Variants in DHRSX observed in about 807,000 individuals in gnomAD.
The protein encoded by DHRSX is dehydrogenase/reductase X-linked.
Under a neutral mutation model 34.0 loss-of-function variants are expected in DHRSX, and 31 were observed. The observed-to-expected ratio is 0.91, with a 90% CI of 0.69 to 1.23. The LOEUF (loss-of-function observed/expected upper bound fraction) is 1.23. Ranked by LOEUF, DHRSX falls within the 50% of genes most tolerant of loss-of-function variation. The pLI, the probability that DHRSX is intolerant of heterozygous loss-of-function variation, is 0.00. For missense variants in DHRSX, 414 were observed against 428.1 expected, an observed-to-expected ratio of 0.97 and a Z score of 0.29; for synonymous variants, 201 against 183.8, an observed-to-expected ratio of 1.09 and a Z score of -0.76.
intron 6 of DHRSX, among the ~76,000 whole-genome samples, chrX:2,227,317 A>T (rs1185908508): frequency 6.6e-6 from 1 of 151,926 alleles, no homozygotes; most frequent in Non-Finnish European, 1.5e-5. Flanking sequence ...GAAACAAAAA[A>T]AATCAATGGA....
intron 1 of DHRSX, among the ~76,000 whole-genome samples, chrX:2,482,129 C>CTTCT (rs2044782726): frequency 7.7e-6 from 1 of 129,840 alleles, no homozygotes; most frequent in African/African-American, 3.0e-5. Flanking sequence ...CCACGTCTGG[C>CTTCT]TTTTTTTTTT....
intron 1 of DHRSX, among the ~76,000 whole-genome samples, chrX:2,462,376 A>G (rs888540144): frequency 3.9e-5 from 6 of 152,144 alleles, no homozygotes; most frequent in Non-Finnish European, 5.9e-5. Context: ...CAAAAGAGCA[A>G]TAATATTTCT....
chrX:2,458,231 C>G (rs1366885913), intron 1 of DHRSX, among the ~76,000 whole-genome samples: 1 of 152,024 alleles, frequency 6.6e-6, no homozygotes, highest in East Asian at 1.9e-4. Context: ...CCAAGGGACC[C>G]CCACCTTGTA....
At chrX:2,241,779 AT>A (rs2124424814) in intron 6 of DHRSX, among the ~76,000 whole-genome samples, 1 of 152,142 alleles carries the variant, frequency 6.6e-6, no homozygotes, top group Admixed American at 6.6e-5. Context: ...GTGGTGTCAC[AT>A]GCCTGTAATC....
intron 1 of DHRSX, among the ~76,000 whole-genome samples, chrX:2,485,348 T>C (rs180987586): frequency 2.0e-5 from 3 of 151,766 alleles, no homozygotes; most frequent in East Asian, 3.9e-4. Context: ...GAAAGAGAAA[T>C]TTCGGCATTT....
At chrX:2,480,234 A>G (rs1227922184) in intron 1 of DHRSX, among the ~76,000 whole-genome samples, 1 of 151,714 alleles carries the variant, frequency 6.6e-6, no homozygotes, top group African/African-American at 2.4e-5. Flanking sequence ...GGACTGGAAG[A>G]TACAATGTGA....
chrX:2,330,072 GC>G (rs1382498714), intron 3 of DHRSX, among the ~76,000 whole-genome samples: 45 of 2,234 alleles, frequency 0.02, 2 homozygotes, highest in Non-Finnish European at 0.047. Flanking sequence ...CAGAGAGACG[GC>G]GGGGGGGGGG....
rs1049355727 is a variant in DHRSX, at chrX:2,383,053, T to TCAC, written c.286+25689_286+25691dup. On this transcript the variant is annotated intron_variant, in intron 3 of 6. Transcript: ENST00000334651. ...ACCACCACTATCACCATCATCATCA[T>TCAC]CACCACCATCACCATCATCAGCAGC... 2.7e-5 allele frequency among the ~76,000 whole-genome samples: 4 copies of TCAC among 150,326 alleles called. No homozygotes were observed. In the East Asian group the frequency reaches 8.0e-4, roughly 30 times the overall value.
At chrX:2,310,953 C>T (rs1225257884) in intron 3 of DHRSX, among the ~76,000 whole-genome samples, 6 of 151,352 alleles carry the variant, frequency 4.0e-5, no homozygotes, top group African/African-American at 1.2e-4. Flanking sequence ...CCCAGCTACT[C>T]GGGAGGCTGA....
chrX:2,386,706 A>C lies in DHRSX; in HGVS notation c.286+22039T>G, dbSNP rs779636523. Among the ~76,000 whole-genome samples the C allele has an allele frequency of 3.3e-5, 5 of 152,318 alleles. No individual in the cohort carries two copies. The South Asian group carries it at 1.0e-3, about 32-fold the overall frequency. On this transcript the variant is annotated intron_variant, in intron 3 of 6. Coordinates refer to ENST00000334651, the MANE Select transcript of DHRSX (RefSeq NM_145177.3). ...ATCAAATATGTTAGTTGAGTTAAGA[A>C]TAAATTACTTTTTTTGCATAAGTTT...
chrX:2,335,242 A>G (rs2042541295), intron 3 of DHRSX, among the ~76,000 whole-genome samples: 1 of 151,628 alleles, frequency 6.6e-6, no homozygotes, highest in East Asian at 1.9e-4. Context: ...CCCATGACAC[A>G]GCCTCAGGTG....
At chrX:2,401,487 A>C (rs1477272188) in intron 3 of DHRSX, among the ~76,000 whole-genome samples, 1 of 152,184 alleles carries the variant, frequency 6.6e-6, no homozygotes, top group Non-Finnish European at 1.5e-5. Flanking sequence ...GACACCGTGC[A>C]CCTTCCAAAG....
At chrX:2,343,222 GCTTAGT>G (rs1414945412) in intron 3 of DHRSX, among the ~76,000 whole-genome samples, 1 of 152,114 alleles carries the variant, frequency 6.6e-6, no homozygotes, top group Non-Finnish European at 1.5e-5. Flanking sequence ...CCTTAAATGT[GCTTAGT>G]CTATAAGAGA....
intron 6 of DHRSX, among the ~76,000 whole-genome samples, chrX:2,229,492 T>C (rs1233299453): frequency 6.6e-6 from 1 of 151,916 alleles, no homozygotes; most frequent in Non-Finnish European, 1.5e-5. Flanking sequence ...TTCTGGAAAA[T>C]AGGTTTCGGG....
At chrX:2,319,205 G>A (rs1375928542) in intron 3 of DHRSX, among the ~76,000 whole-genome samples, 2 of 135,016 alleles carry the variant, frequency 1.5e-5, no homozygotes, top group South Asian at 2.4e-4. Flanking sequence ...CTCCCTCTTC[G>A]TCCCCCCTCC....
chrX:2,314,231 G>A (rs1186916188), intron 3 of DHRSX, among the ~76,000 whole-genome samples: 1 of 10,218 alleles, frequency 9.8e-5, no homozygotes, highest in Non-Finnish European at 2.1e-4. Flanking sequence ...GGAAGGAAGG[G>A]AGGGAGGGAA....
chrX:2,457,908 C>CG (rs1329075822), intron 1 of DHRSX, among the ~76,000 whole-genome samples: 23 of 151,748 alleles, frequency 1.5e-4, no homozygotes, highest in East Asian at 1.2e-3. Flanking sequence ...GAATATGTTC[C>CG]GTAAGCATGT....
chrX:2,488,705 T>G (rs1254968680), intron 1 of DHRSX: 1 of 1,613,816 alleles, frequency 6.2e-7, no homozygotes, highest in East Asian at 2.2e-5. Flanking sequence ...GAACACCTGC[T>G]CCTGGTCCAG....
At chrX:2,492,335 C>G (rs1603180293) in intron 1 of DHRSX, among the ~76,000 whole-genome samples, 4 of 152,204 alleles carry the variant, frequency 2.6e-5, no homozygotes, top group Admixed American at 2.6e-4. Context: ...CACATGGAGA[C>G]AGAGGCCGAG....
Sources: gnomAD v4.1 joint callset for allele counts (sites outside exome capture counted in the v4.1 genomes callset) on GRCh38, gnomAD v4.1.1 for gene constraint, MANE v1.5 for transcripts, NCBI Gene and HGNC (gene_info 2026-07-23, HGNC 2026-07-21) for gene names.